Variants in RPL3L observed in about 807,000 individuals in gnomAD.
RPL3L encodes the protein ribosomal protein L3 like, also known as ribosomal protein uL3-like.
A neutral mutation model predicts 44.5 loss-of-function variants in RPL3L; 44 were observed. The ratio of observed to expected loss-of-function variants is 0.99; its 90% CI spans 0.78 to 1.27. The LOEUF (loss-of-function observed/expected upper bound fraction) is 1.27, where lower values mean the gene tolerates loss of function less well. RPL3L is among the 50% of genes most tolerant of loss of function. RPL3L has a pLI of 0.00. For synonymous variants in RPL3L, 292 were observed against 230.7 expected (o/e 1.27, Z -2.41); for missense variants, 631 against 569.1 (o/e 1.11, Z -1.11).
In RPL3L at chr16:1,952,929, T is replaced by G. The variant is rs2083180601; in HGVS notation, c.310A>C (p.Thr104Pro). 6.2e-7 allele frequency: 1 copy of G among 1,613,854 alleles called. No individual in the cohort carries two copies. The highest frequency in any genetic ancestry group is 8.5e-7 in the Non-Finnish European group (1 of 1,179,960). Residue 104 changes from threonine (T) to proline (P), a missense_variant, in exon 3 of 10, where the codon ACC (threonine) becomes CCC (proline). Coordinates refer to ENST00000268661, the MANE Select transcript of RPL3L (RefSeq NM_005061.3). ...TCACTGAGGTGTTCTGCAAAGATGG[T>G]CTTGAAGCTCCGGAGACCTCGAGGG... is the stretch of plus-strand genomic sequence containing the variant. ...ATPRGLRSFK[T>P]IFAEHLSDEC...
chr16:1,954,004 T>C lies in RPL3L; in HGVS notation c.148A>G (p.Lys50Glu). The C allele has an allele frequency of 6.3e-7, 1 of 1,599,854 alleles. No individual in the cohort carries two copies. The highest frequency in any genetic ancestry group is 8.5e-7 in the Non-Finnish European group (1 of 1,172,198). Residue 50 changes from lysine (K) to glutamate (E), a missense_variant, in exon 2 of 10, where the codon AAG (lysine) becomes GAG (glutamate). Transcript: ENST00000268661. ...CGCAGGGTGTGGGTCATGCCCGCCT[T>C]GTAGCCCAGGAAGGCCGTGAGGTGC... is the stretch of plus-strand genomic sequence containing the variant. ...PVHLTAFLGYKAGMTHTLREV... is the reference protein window; with the variant it reads ...PVHLTAFLGYEAGMTHTLREV...
rs1275329198 is a variant in RPL3L at position 1,946,957 on chromosome 16, C to CG, written c.829dup (p.Arg277ProfsTer88). On this transcript the variant is annotated frameshift_variant, in exon 6 of 10. Coordinates refer to ENST00000268661, the MANE Select transcript of RPL3L (RefSeq NM_005061.3). LOFTEE classifies it high-confidence loss of function. ...ACGCACCTTCTTGTTGAGCTCCGTG[C>CG]GGTGGTGATAGCCCTTCTGCCCGGC... is the stretch of plus-strand genomic sequence containing the variant. The CG allele has an allele frequency of 6.2e-7, 1 of 1,606,798 alleles. No homozygotes were observed. The highest frequency in any genetic ancestry group is 8.5e-7 in the Non-Finnish European group (1 of 1,177,674).
At position 1,944,672 on chromosome 16, in the gene RPL3L, T is replaced by C. The variant is rs759350236; in HGVS notation, c.*165A>G. On this transcript the variant is annotated 3_prime_UTR_variant, in exon 10 of 10. Coordinates refer to ENST00000268661, the MANE Select transcript of RPL3L (RefSeq NM_005061.3). ...GTGAATTACTCTTTCTCTATTGCAA[T>C]TCCCCTGTCTTAATGAATCGGCTTT... is the stretch of plus-strand genomic sequence containing the variant. The C allele has an allele frequency of 3.3e-5, 25 of 747,344 alleles. No homozygotes were observed. Among genetic ancestry groups the C allele is most frequent in the Non-Finnish European group, 4.8e-5 (21 of 435,492 alleles). 46.3% of individuals were successfully genotyped at this position (747,344 alleles called of 1,614,324 possible).
In RPL3L at chr16:1,946,941, C is replaced by A; in HGVS notation, c.846G>T (p.Lys282Asn). 1 of 1,599,948 alleles carries A rather than the reference C, an allele frequency of 6.3e-7. No homozygotes were observed. Among genetic ancestry groups the A allele is most frequent in the East Asian group, 2.2e-5 (1 of 44,642 alleles). ...CGTACCCCGGCTGAGGACGCACCTT[C>A]TTGTTGAGCTCCGTGCGGTGGTGAT... ...KGYHHRTELN[K>N]KIFRIGRGPH... Residue 282 changes from lysine (K) to asparagine (N), a missense_variant, in exon 6 of 10, where the codon AAG (lysine) becomes AAT (asparagine). Coordinates refer to ENST00000268661, the MANE Select transcript of RPL3L (RefSeq NM_005061.3).
At position 1,944,600 on chromosome 16, in the gene RPL3L, G is replaced by A. The variant is rs1179352959; in HGVS notation, c.*237C>T. The stretch of plus-strand genomic sequence containing the variant: ...CAAATGCTCAAAGAGATCGATTTGA[G>A]TAATAATAAAACATAAAACTCCGGT... On this transcript the variant is annotated 3_prime_UTR_variant, in exon 10 of 10. Transcript: ENST00000268661. The A allele has an allele frequency of 6.7e-6, 3 of 448,762 alleles. No homozygotes were observed. The highest frequency in any genetic ancestry group is 3.2e-5 in the South Asian group (1 of 31,126). 27.8% of individuals were successfully genotyped at this position (448,762 alleles called of 1,614,324 possible).
Position 1,945,967 on chromosome 16 carries a change from G to A in RPL3L, c.952-37C>T, listed in dbSNP as rs749601358. 2.8e-5 allele frequency: 43 copies of A among 1,561,164 alleles called. No homozygotes were observed. The African/African-American group carries it at 4.9e-4, about 18-fold the overall frequency. On this transcript the variant is annotated intron_variant, in intron 7 of 9. Transcript: ENST00000268661. The stretch of plus-strand genomic sequence containing the variant: ...ACAGGTCAGAGGCCAGGCCCGGAAA[G>A]GGCTTCTGAGTTAGTGGGTGGCTGG...
chr16:1,945,772 G>A lies in RPL3L; in HGVS notation c.1047+63C>T, dbSNP rs144950738. 959 of 1,605,590 alleles carry A rather than the reference G, an allele frequency of 6.0e-4. 6 individuals are homozygous for A. In the African/African-American group the frequency reaches 0.01, roughly 17 times the overall value. ...CACTCCATCCCGCTCGTAGCAGGCC[G>A]CAGGGCAGGACAGGCTGGCAGCCCT... On this transcript the variant is annotated intron_variant, in intron 8 of 9. Coordinates refer to ENST00000268661, the MANE Select transcript of RPL3L (RefSeq NM_005061.3).
rs140373999 is a variant in RPL3L, at chr16:1,947,009, C to G, written c.778G>C (p.Ala260Pro). 3.5e-5 allele frequency: 56 copies of G among 1,612,060 alleles called. No individual in the cohort carries two copies. The African/African-American group carries it at 6.7e-4, about 19-fold the overall frequency. Residue 260 changes from alanine (A) to proline (P), a missense_variant, in exon 6 of 10, where the codon GCC becomes CCC. Ala to Pro is a conservative substitution (Grantham distance 27, BLOSUM62 -1). Transcript: ENST00000268661. The stretch of plus-strand genomic sequence containing the variant: ...CGAGCAATGGAGCAGCCCACGCGGG[C>G]GGGGTGCCAGGCGCCAATGCAGGCC... Reference protein sequence around the residue: ...KVACIGAWHPARVGCSIARAG... With the variant: ...KVACIGAWHPPRVGCSIARAG...
chr16:1,944,554 A>AT lies in RPL3L; in HGVS notation c.*282_*283insA. On this transcript the variant is annotated 3_prime_UTR_variant, in exon 10 of 10. Transcript: ENST00000268661. ...GATCAAGACTCTCTCAAAAAAAAAA[A>AT]AAAAAAAAACCTCTGCTCCGCAAAT... The AT allele has an allele frequency of 6.6e-6, 2 of 303,960 alleles. No homozygotes were observed. The highest frequency in any genetic ancestry group is 1.1e-4 in the East Asian group (2 of 17,436). 18.8% of individuals were successfully genotyped at this position (303,960 alleles called of 1,614,324 possible).
rs1301288668 is a variant in RPL3L at position 1,945,364 on chromosome 16, AATAAAT to A, written c.1167+129_1167+134del. 1,266 of 870,198 alleles carry A rather than the reference AATAAAT, an allele frequency of 1.5e-3. 61 individuals are homozygous for A. Among genetic ancestry groups the A allele is most frequent in the South Asian group, 4.4e-3 (204 of 45,848 alleles). The allele number at this position is 870,198 out of a possible 1,614,324, so 53.9% of individuals were successfully genotyped here. A position where few individuals can be genotyped will look rare whatever the true frequency, so the allele number is the denominator to read the frequency against. ...AGCGAGACTCCATCTCAAAAAATAAAATAAATAAAAAAAAAAGAGTCTCTCCTGCAG... is the reference window on the plus strand; with the variant it reads ...AGCGAGACTCCATCTCAAAAAATAAAAAAAAAAAAAGAGTCTCTCCTGCAG... On this transcript the variant is annotated intron_variant, in intron 9 of 9. Coordinates refer to ENST00000268661, the MANE Select transcript of RPL3L (RefSeq NM_005061.3).
Position 1,945,534 on chromosome 16 carries a change from G to C in RPL3L, c.1132C>G (p.Arg378Gly). 1 of 1,613,578 alleles carries C rather than the reference G, an allele frequency of 6.2e-7. No individual in the cohort carries two copies. The highest frequency in any genetic ancestry group is 8.5e-7 in the Non-Finnish European group (1 of 1,179,900). ...CTCTTCTCTTGGGCTGTCTGGAAGC[G>C]GCCATGGCCGAACTTGGAGGTGGTG... ...IDTTSKFGHG[R>G]FQTAQEKRAF... is the part of the protein sequence containing the mutation. Residue 378 changes from arginine (R) to glycine (G), a missense_variant, in exon 9 of 10, where the codon CGC becomes GGC. Physicochemically the swap from Arg to Gly is moderately radical, Grantham distance 125. Transcript: ENST00000268661.
rs774643139 is a variant in RPL3L, at chr16:1,950,955, G to A, written c.390C>T (p.Phe130=). 2 of 1,613,828 alleles carry A rather than the reference G, an allele frequency of 1.2e-6. No homozygotes were observed. Among genetic ancestry groups the A allele is most frequent in the African/African-American group, 2.7e-5 (2 of 74,880 alleles). The change falls in exon 4 of 10, where the codon TTC becomes TTT. Residue 130 remains phenylalanine, a synonymous_variant. Transcript: ENST00000268661. ...CCCGCCACCTCTTGCAGGCCTTGGT[G>A]AAGGCTTTCTTCTTGCTCTTGTGCC... is the stretch of plus-strand genomic sequence containing the variant. ...KDWHKSKKKA[F]TKACKRWRDT...
At chr16:1,949,259 C>CTTTTTTTTTTTTT (rs58248501) in intron 4 of RPL3L, among the ~76,000 whole-genome samples, 5 of 75,236 alleles carry the variant, frequency 6.6e-5, no homozygotes, top group Non-Finnish European at 1.0e-4. Context: ...TTTTTTTTTT[C>CTTTTTTTTTTTTT]TTTTTTTTTT....
At position 1,948,390 on chromosome 16, in the gene RPL3L, A is replaced by AT. The variant is rs202245309; in HGVS notation, c.502-1011dup. 8.4e-3 allele frequency among the ~76,000 whole-genome samples: 1,268 copies of AT among 150,904 alleles called. 20 individuals are homozygous for AT. Among genetic ancestry groups the AT allele is most frequent in the African/African-American group, 0.028 (1,164 of 41,024 alleles). ...AGGTGTGTGCCACCATGCCCGGCTAATTTTTTTGTATTTTTAGTACAGTTG... is the reference window on the plus strand; with the variant it reads ...AGGTGTGTGCCACCATGCCCGGCTAATTTTTTTTGTATTTTTAGTACAGTTG... On this transcript the variant is annotated intron_variant, in intron 4 of 9. Coordinates refer to ENST00000268661, the MANE Select transcript of RPL3L (RefSeq NM_005061.3).
In RPL3L at chr16:1,947,080, T is replaced by A. The variant is rs915430401; in HGVS notation, c.707A>T (p.His236Leu). The A allele has an allele frequency of 6.2e-7, 1 of 1,613,766 alleles. No individual in the cohort carries two copies. Among genetic ancestry groups the A allele is most frequent in the Non-Finnish European group, 8.5e-7 (1 of 1,179,998 alleles). ...GGTCTTCCGCGGCAGCTTCTTGGTA[T>A]GCCAGCGGCTTGTGACCCCTGTGAG... ...RGVKGVTSRW[H>L]TKKLPRKTHK... The change falls in exon 6 of 10, where the codon CAT becomes CTT. Residue 236 changes from histidine (H) to leucine (L), a missense_variant. Physicochemically the swap from His to Leu is moderately conservative, Grantham distance 99. Coordinates refer to ENST00000268661, the MANE Select transcript of RPL3L (RefSeq NM_005061.3).
chr16:1,949,244 G>GTTTTTTTTTTTTTTTTTTTTTTTT (rs1425634978), intron 4 of RPL3L, among the ~76,000 whole-genome samples: 1 of 81,958 alleles, frequency 1.2e-5, no homozygotes. Flanking sequence ...CCTGATTTTT[G>GTTTTTTTTTTTTTTTTTTTTTTTT]TTTTTTTTTT....
In RPL3L at chr16:1,954,108, C is replaced by T. The variant is rs1259699736; in HGVS notation, c.44G>A (p.Gly15Asp). ...KFSAPRHGHLGFLPHKRSHRH... is the reference protein window; with the variant it reads ...KFSAPRHGHLDFLPHKRSHRH... ...GTGGCTCCTCTTATGGGGCAGGAAGCCCAGGTGTCCGTGCCGAGGGGCGGA... is the reference window on the plus strand; with the variant it reads ...GTGGCTCCTCTTATGGGGCAGGAAGTCCAGGTGTCCGTGCCGAGGGGCGGA... Residue 15 changes from glycine (G) to aspartate (D), a missense_variant, in exon 2 of 10, where the codon GGC becomes GAC. Transcript: ENST00000268661. 1.9e-6 allele frequency: 3 copies of T among 1,600,472 alleles called. No homozygotes were observed. The highest frequency in any genetic ancestry group is 4.5e-5 in the East Asian group (2 of 44,400).
At chr16:1,953,392 G>C (rs894137614) in intron 2 of RPL3L, among the ~76,000 whole-genome samples, 10 of 152,062 alleles carry the variant, frequency 6.6e-5, no homozygotes, top group Non-Finnish European at 1.5e-5. Context: ...GCTAATTTTT[G>C]TATTTTTTGT....
rs1237800669 is a variant in RPL3L at position 1,946,223 on chromosome 16, G to T, written c.952-293C>A. On this transcript the variant is annotated intron_variant, in intron 7 of 9. Transcript: ENST00000268661. The stretch of plus-strand genomic sequence containing the variant: ...GCCTCTACAGCTGCTAAGTCCTGGA[G>T]ATGCGGTTTGAGCCCAGGTGGCCTG... 7.2e-5 allele frequency among the ~76,000 whole-genome samples: 11 copies of T among 152,362 alleles called. No homozygotes were observed. The East Asian group carries it at 2.1e-3, about 29-fold the overall frequency.
Sources: gnomAD v4.1 joint callset for allele counts (sites outside exome capture counted in the v4.1 genomes callset) on GRCh38, gnomAD v4.1.1 for gene constraint, MANE v1.5 for transcripts, NCBI Gene and HGNC (gene_info 2026-07-23, HGNC 2026-07-21) for gene names.